The following ADARB2 variants were observed in gnomAD, a reference collection of about 807,000 sequenced individuals.
ADARB2 encodes adenosine deaminase RNA specific B2 (inactive), also known as inactive double-stranded RNA-specific editase B2.
Under a neutral mutation model 62.2 loss-of-function variants are expected in ADARB2, and 25 were observed. The observed-to-expected ratio is 0.40, with a 90% CI of 0.29 to 0.56. ADARB2 has a LOEUF of 0.56. Among genes scored for constraint, ADARB2 ranks in the 20% least tolerant of loss-of-function variants. The pLI, the probability that ADARB2 is intolerant of heterozygous loss-of-function variation, is 0.43. For synonymous variants in ADARB2, 572 were observed against 500.8 expected, an observed-to-expected ratio of 1.14 and a Z score of -1.90; for missense variants, 1,071 against 1,077.4, an observed-to-expected ratio of 0.99 and a Z score of 0.08.
chr10:1,572,852 G>T (rs188160196), intron 1 of ADARB2, among the ~76,000 whole-genome samples: 3 of 152,290 alleles, frequency 2.0e-5, no homozygotes, highest in African/African-American at 7.2e-5. Context: ...GCCCCCAAAT[G>T]CTCCTAGTGC....
chr10:1,668,557 G>C (rs1244695147), intron 1 of ADARB2, among the ~76,000 whole-genome samples: 1 of 152,166 alleles, frequency 6.6e-6, no homozygotes, highest in Non-Finnish European at 1.5e-5. Context: ...CGGCTCACTG[G>C]AGGTCAGGAA....
At chr10:1,660,027 G>A (rs1834224945) in intron 1 of ADARB2, among the ~76,000 whole-genome samples, 1 of 151,182 alleles carries the variant, frequency 6.6e-6, no homozygotes, top group Admixed American at 6.6e-5. Flanking sequence ...CCCGGGGCAG[G>A]GGCTGTCTCC....
intron 1 of ADARB2, among the ~76,000 whole-genome samples, chr10:1,483,182 C>T (rs1831497698): frequency 6.6e-6 from 1 of 151,994 alleles, no homozygotes; most frequent in Non-Finnish European, 1.5e-5. Flanking sequence ...TTCTAAAAGT[C>T]CCGTAAGATT....
intron 1 of ADARB2, among the ~76,000 whole-genome samples, chr10:1,502,199 C>A (rs1831775528): frequency 6.6e-6 from 1 of 152,228 alleles, no homozygotes; most frequent in African/African-American, 2.4e-5. Context: ...TCAGTGGGGG[C>A]CCGGCCCCTC....
At chr10:1,219,873 GTGGTGA>G (rs1256516949) in intron 6 of ADARB2, among the ~76,000 whole-genome samples, 1 of 145,542 alleles carries the variant, frequency 6.9e-6, no homozygotes, top group Non-Finnish European at 1.5e-5. Flanking sequence ...GGTAATGGTG[GTGGTGA>G]TGATGGTGAT....
At chr10:1,448,116 G>A (rs1342793240) in intron 1 of ADARB2, among the ~76,000 whole-genome samples, 2 of 152,172 alleles carry the variant, frequency 1.3e-5, no homozygotes, top group African/African-American at 4.8e-5. Flanking sequence ...TTTAGTTATC[G>A]AGGGGGAAAG....
At chr10:1,595,772 G>C (rs934430795) in intron 1 of ADARB2, among the ~76,000 whole-genome samples, 4 of 152,232 alleles carry the variant, frequency 2.6e-5, no homozygotes, top group Non-Finnish European at 5.9e-5. Context: ...AAACATTTGT[G>C]CCGGTCATAA....
chr10:1,527,185 A>G (rs1257489316), intron 1 of ADARB2, among the ~76,000 whole-genome samples: 2 of 152,232 alleles, frequency 1.3e-5, no homozygotes, highest in Non-Finnish European at 2.9e-5. Context: ...GTTTAAAACT[A>G]CAGTGCTCGC....
chr10:1,571,296 T>TA (rs199914419), intron 1 of ADARB2, among the ~76,000 whole-genome samples: 226 of 150,698 alleles, frequency 1.5e-3, no homozygotes, highest in Middle Eastern at 3.4e-3. Flanking sequence ...TTTTTTTTTT[T>TA]TAAAAAAAGC....
chr10:1,221,344 C>A (rs1830693264), intron 6 of ADARB2, among the ~76,000 whole-genome samples: 1 of 151,856 alleles, frequency 6.6e-6, no homozygotes, highest in South Asian at 2.1e-4. Context: ...CTAGATAAAA[C>A]CCTTGTCTTT....
intron 1 of ADARB2, among the ~76,000 whole-genome samples, chr10:1,586,046 G>GAACAAAA (rs950654048): frequency 6.6e-6 from 1 of 151,904 alleles, no homozygotes; most frequent in African/African-American, 2.4e-5. Context: ...ACAAACAAAC[G>GAACAAAA]AACAAAAAAC....
chr10:1,665,172 T>G (rs561996039), intron 1 of ADARB2, among the ~76,000 whole-genome samples: 1 of 152,342 alleles, frequency 6.6e-6, no homozygotes, highest in South Asian at 2.1e-4. Flanking sequence ...CACTGCTAAC[T>G]TCCAACTTCA....
At chr10:1,531,388 G>C (rs903919174) in intron 1 of ADARB2, among the ~76,000 whole-genome samples, 2 of 152,152 alleles carry the variant, frequency 1.3e-5, no homozygotes, top group African/African-American at 2.4e-5. Context: ...ATCTTTCTGG[G>C]CCTCTGGCTG....
chr10:1,428,227 C>T (rs1304480063), intron 1 of ADARB2, among the ~76,000 whole-genome samples: 1 of 151,732 alleles, frequency 6.6e-6, no homozygotes. Flanking sequence ...CCTGCCTCAG[C>T]CTCCCAAAGT....
intron 1 of ADARB2, among the ~76,000 whole-genome samples, chr10:1,554,353 C>A (rs562594751): frequency 6.6e-6 from 1 of 152,208 alleles, no homozygotes; most frequent in Non-Finnish European, 1.5e-5. Flanking sequence ...CTGGTTTAAA[C>A]GCAGAGAGTC....
intron 1 of ADARB2, among the ~76,000 whole-genome samples, chr10:1,574,493 G>A (rs535363523): frequency 2.0e-5 from 3 of 152,066 alleles, no homozygotes; most frequent in South Asian, 2.1e-4. Context: ...TGTTCCCAGC[G>A]TTTTGGAGGC....
intron 2 of ADARB2, among the ~76,000 whole-genome samples, chr10:1,368,748 G>A (rs1832335876): frequency 6.6e-6 from 1 of 152,228 alleles, no homozygotes; most frequent in African/African-American, 2.4e-5. Context: ...TGAGGCATAC[G>A]AAGGGAAAAA....
At position 1,352,346 on chromosome 10, in the gene ADARB2, C is replaced by T. The variant is rs184340458; in HGVS notation, c.1077+10682G>A. Among the ~76,000 whole-genome samples, 237 of 152,288 alleles carry T rather than the reference C, an allele frequency of 1.6e-3. 1 individual carries two copies. Among genetic ancestry groups the T allele is most frequent in the Non-Finnish European group, 2.8e-3 (190 of 68,026 alleles). ...GTTATATAAACTCACAAAAGGAAACCTAGCTGACCCCGTAGATCCTAAATC... is the reference window on the plus strand; with the variant it reads ...GTTATATAAACTCACAAAAGGAAACTTAGCTGACCCCGTAGATCCTAAATC... On this transcript the variant is annotated intron_variant, in intron 3 of 9. Coordinates refer to ENST00000381312, the MANE Select transcript of ADARB2 (RefSeq NM_018702.4).
At chr10:1,540,550 GCCGT>G (rs1832407076) in intron 1 of ADARB2, among the ~76,000 whole-genome samples, 1 of 87,282 alleles carries the variant, frequency 1.1e-5, no homozygotes. Context: ...CTGGATCACA[GCCGT>G]CCAGACCCCA....
Sources: gnomAD v4.1 joint callset for allele counts (sites outside exome capture counted in the v4.1 genomes callset) on GRCh38, gnomAD v4.1.1 for gene constraint, MANE v1.5 for transcripts, NCBI Gene and HGNC (gene_info 2026-07-23, HGNC 2026-07-21) for gene names.